The following SORCS2 variants were observed in gnomAD, a reference collection of about 807,000 sequenced individuals.
SORCS2 encodes VPS10 domain-containing receptor SorCS2.
SORCS2 carries 100 observed loss-of-function variants against 141.6 expected under a neutral mutation model. That is an observed-to-expected ratio of 0.71 (90% CI 0.60 to 0.83). The LOEUF (loss-of-function observed/expected upper bound fraction) is 0.83. SORCS2 is among the 40% of genes least tolerant of loss of function. The pLI, the probability that SORCS2 is intolerant of heterozygous loss-of-function variation, is 0.00. For missense variants in SORCS2, 1,646 were observed against 1,560.2 expected, an observed-to-expected ratio of 1.05 and a Z score of -0.93; for synonymous variants, 789 against 676.9, an observed-to-expected ratio of 1.17 and a Z score of -2.57.
At chr4:7,220,206 T>C (rs565267719) in intron 1 of SORCS2, among the ~76,000 whole-genome samples, 2 of 151,266 alleles carry the variant, frequency 1.3e-5, no homozygotes, top group African/African-American at 4.9e-5. Flanking sequence ...GCCAGCTGGG[T>C]GCCATGGGGC....
chr4:7,328,434 G>T (rs1719425781), intron 1 of SORCS2, among the ~76,000 whole-genome samples: 1 of 152,064 alleles, frequency 6.6e-6, no homozygotes, highest in South Asian at 2.1e-4. Context: ...GTAAACGGAG[G>T]CACCTAGATG....
At chr4:7,217,332 C>T (rs2108754845) in intron 1 of SORCS2, among the ~76,000 whole-genome samples, 1 of 152,314 alleles carries the variant, frequency 6.6e-6, no homozygotes. Flanking sequence ...TCAGTGATGT[C>T]TGTGGGGTGG....
At chr4:7,590,990 A>C (rs546195557) in intron 3 of SORCS2, among the ~76,000 whole-genome samples, 3 of 152,334 alleles carry the variant, frequency 2.0e-5, no homozygotes, top group Non-Finnish European at 4.4e-5. Context: ...CAGTCAGGAA[A>C]GGGATTTGCA....
intron 2 of SORCS2, among the ~76,000 whole-genome samples, chr4:7,473,623 C>A (rs1469818743): frequency 2.0e-5 from 3 of 152,144 alleles, no homozygotes; most frequent in Non-Finnish European, 2.9e-5. Context: ...ACAAAGGGCC[C>A]CGAATGCCAA....
chr4:7,683,003 G>A, intron 10 of SORCS2, 114 bp downstream of exon 10: 1 of 1,311,024 alleles, frequency 7.6e-7, no homozygotes, highest in Non-Finnish European at 1.0e-6. Context: ...TGAGACACAT[G>A]AACCACCTAT....
intron 14 of SORCS2, among the ~76,000 whole-genome samples, chr4:7,706,584 T>C (rs77104192): frequency 8.3e-6 from 1 of 121,002 alleles, no homozygotes; most frequent in Non-Finnish European, 1.7e-5. Flanking sequence ...CTGGGCTCTG[T>C]CTGGGCAGGG....
At chr4:7,403,126 G>A (rs1046620997) in intron 2 of SORCS2, among the ~76,000 whole-genome samples, 4 of 152,144 alleles carry the variant, frequency 2.6e-5, no homozygotes, top group African/African-American at 9.7e-5. Flanking sequence ...AATTCTGATG[G>A]ATGGTGTATT....
chr4:7,452,365 C>T (rs1007563124), intron 2 of SORCS2, among the ~76,000 whole-genome samples: 1 of 152,210 alleles, frequency 6.6e-6, no homozygotes, highest in African/African-American at 2.4e-5. Flanking sequence ...TGGTCTCTAA[C>T]TCCTGACCTC....
rs150184883 is a variant in SORCS2 at position 7,584,397 on chromosome 4, A to G, written c.648+52768A>G. Among the ~76,000 whole-genome samples the G allele has an allele frequency of 1.1e-3, 166 of 152,280 alleles. No homozygotes were observed. The Middle Eastern group carries it at 0.02, about 19-fold the overall frequency. ...AACTGAAAGAGTACATTTAAGAAAAAGTTGCTTCCATGATGGGCTGAAGGC... is the reference window on the plus strand; with the variant it reads ...AACTGAAAGAGTACATTTAAGAAAAGGTTGCTTCCATGATGGGCTGAAGGC... On this transcript the variant is annotated intron_variant, in intron 3 of 26. Transcript: ENST00000507866.
chr4:7,449,786 G>A (rs367570248), intron 2 of SORCS2, among the ~76,000 whole-genome samples: 28 of 152,098 alleles, frequency 1.8e-4, no homozygotes, highest in South Asian at 1.5e-3. Flanking sequence ...CAGTGTTCCC[G>A]GAATCCAATG....
At chr4:7,258,682 A>G (rs1714092471) in intron 1 of SORCS2, among the ~76,000 whole-genome samples, 2 of 152,240 alleles carry the variant, frequency 1.3e-5, no homozygotes, top group South Asian at 4.1e-4. Flanking sequence ...TTGCTGGGTC[A>G]AATGGTATTT....
At chr4:7,204,773 G>C (rs1037821946) in intron 1 of SORCS2, among the ~76,000 whole-genome samples, 6 of 152,194 alleles carry the variant, frequency 3.9e-5, no homozygotes, top group Non-Finnish European at 8.8e-5. Context: ...ACCCAAGGAG[G>C]GGGTATCTCT....
At chr4:7,697,125 C>G in intron 11 of SORCS2, 73 bp from the exon 12 acceptor site, 1 of 1,348,698 alleles carries the variant, frequency 7.4e-7, no homozygotes, top group Non-Finnish European at 1.0e-6. Flanking sequence ...GAGGTTTTTC[C>G]ATGCTCAGAC....
chr4:7,676,296 C>T lies in SORCS2; in HGVS notation c.1341+67C>T, dbSNP rs1331664021. The T allele has an allele frequency of 1.0e-5, 15 of 1,480,584 alleles. No homozygotes were observed. The Admixed American group carries it at 3.0e-4, about 30-fold the overall frequency. 91.7% of individuals were successfully genotyped at this position (1,480,584 alleles called of 1,614,324 possible). ...CCTGCCCTCTGCCCTCTCACCCCAC[C>T]TCTTCCTCCCCCCTCCCCTCCCGCC... On this transcript the variant is annotated intron_variant, in intron 9 of 26. Transcript: ENST00000507866.
intron 2 of SORCS2, among the ~76,000 whole-genome samples, chr4:7,450,801 G>T (rs1223305144): frequency 1.3e-5 from 2 of 152,166 alleles, no homozygotes; most frequent in Non-Finnish European, 2.9e-5. Flanking sequence ...GAATGAATGA[G>T]GGAAGGAATG....
chr4:7,493,021 G>A (rs538744224), intron 2 of SORCS2, among the ~76,000 whole-genome samples: 56 of 152,356 alleles, frequency 3.7e-4, no homozygotes, highest in African/African-American at 1.3e-3. Context: ...GCAGCAGCCT[G>A]TCCTCCAGGC....
intron 1 of SORCS2, among the ~76,000 whole-genome samples, chr4:7,366,437 T>A (rs1721893239): frequency 6.7e-6 from 1 of 149,436 alleles, no homozygotes; most frequent in Middle Eastern, 3.3e-3. Context: ...ATCCCATAGG[T>A]CAGTCCTCAC....
intron 2 of SORCS2, among the ~76,000 whole-genome samples, chr4:7,422,728 C>T (rs1208918113): frequency 3.3e-5 from 5 of 152,172 alleles, no homozygotes; most frequent in African/African-American, 9.7e-5. Flanking sequence ...TCCTGTGGCA[C>T]CGCCGTCTCT....
rs550649655 is a variant in SORCS2 at position 7,693,935 on chromosome 4, C to T, written c.1592-3263C>T. 2.9e-4 allele frequency among the ~76,000 whole-genome samples: 44 copies of T among 152,310 alleles called. No homozygotes were observed. The South Asian group carries it at 8.1e-3, about 28-fold the overall frequency. On this transcript the variant is annotated intron_variant, in intron 11 of 26. Transcript: ENST00000507866. ...CCCCACCAGTTCTGTGGACACTCAC[C>T]GGGCCCTTCTAGAGATGGGAGCACC...
Sources: allele counts gnomAD v4.1 joint callset (sites outside exome capture counted in the v4.1 genomes callset), GRCh38; gene constraint gnomAD v4.1.1; transcripts MANE v1.5; gene names NCBI Gene and HGNC (gene_info 2026-07-23, HGNC 2026-07-21).